Variants in ESAM observed in about 807,000 individuals in gnomAD.
ESAM encodes endothelial cell-selective adhesion molecule.
In ESAM, 23 loss-of-function variants were observed where a neutral mutation model predicts 31.8. That is an observed-to-expected ratio of 0.72 (90% CI 0.52 to 1.03). ESAM has a LOEUF of 1.03. Ranked by LOEUF, ESAM falls within the 50% of genes least tolerant of loss-of-function variation. ESAM has a pLI of 0.00. For missense variants in ESAM, 478 were observed against 488.9 expected, an observed-to-expected ratio of 0.98 and a Z score of 0.21; for synonymous variants, 216 against 207.2, an observed-to-expected ratio of 1.04 and a Z score of -0.37.
chr11:124,756,785 C>T, intron 2 of ESAM, 43 bp from the exon 3 acceptor site: 1 of 1,566,284 alleles, frequency 6.4e-7, no homozygotes. Context: ...CTACATGTGT[C>T]TACTGTGCCT....
In ESAM at chr11:124,762,173, C is replaced by A; in HGVS notation, c.-19G>T. 6.3e-7 allele frequency: 1 copy of A among 1,596,794 alleles called. No individual in the cohort carries two copies. Among genetic ancestry groups the A allele is most frequent in the Non-Finnish European group, 8.5e-7 (1 of 1,171,478 alleles). On this transcript the variant is annotated 5_prime_UTR_variant, in exon 1 of 7. Coordinates refer to ENST00000278927, the MANE Select transcript of ESAM (RefSeq NM_138961.3). This position sits in a 1 kb window ranked among gnomAD's most constrained non-coding sequence, Gnocchi z 6.4. ...AAATCATGGCCCTCCCTGGCCGGGA[C>A]GGAGTCAGGGGCGCCAGCCGCGGGA...
At chr11:124,757,123 A>T (rs1200849554) in intron 2 of ESAM, 1 of 223,764 alleles carries the variant, frequency 4.5e-6, no homozygotes, top group Non-Finnish European at 8.9e-6. Context: ...GGAAAAAAAT[A>T]TTAAAAATGT....
chr11:124,755,160 G>A (rs1014447547), intron 4 of ESAM, among the ~76,000 whole-genome samples: 3 of 152,152 alleles, frequency 2.0e-5, no homozygotes, highest in Admixed American at 6.5e-5. Context: ...TGATATCTGA[G>A]GGTCTCCATT....
intron 3 of ESAM, 83 bp from the exon 4 acceptor site, chr11:124,756,445 A>C: frequency 6.3e-7 from 1 of 1,582,256 alleles, no homozygotes; most frequent in Admixed American, 1.7e-5. Context: ...CTGTCGCTTC[A>C]TTTGTTCCTC....
Position 124,758,678 on chromosome 11 carries a change from G to C in ESAM, c.71-151C>G. The C allele has an allele frequency of 3.5e-6, 3 of 846,292 alleles. No homozygotes were observed. The South Asian group carries it at 5.5e-5, about 16-fold the overall frequency. 52.4% of individuals were successfully genotyped at this position (846,292 alleles called of 1,614,324 possible). ...GTCCGGCCCCTGGAGGCCTCAAGGG[G>C]TGCCCAGGGACCACTGGCTCAGTGT... is the stretch of plus-strand genomic sequence containing the variant. On this transcript the variant is annotated intron_variant, in intron 1 of 6. Coordinates refer to ENST00000278927, the MANE Select transcript of ESAM (RefSeq NM_138961.3).
intron 1 of ESAM, 102 bp downstream of exon 1, chr11:124,761,983 G>A (rs1944235700): frequency 5.7e-6 from 6 of 1,044,576 alleles, no homozygotes; most frequent in South Asian, 2.7e-5. Context: ...AGGAGGGCGA[G>A]TCGTGGGACC....
chr11:124,754,808 T>TAA lies in ESAM; in HGVS notation c.608-46_608-45insTT, dbSNP rs774302006. 6 of 1,518,876 alleles carry TAA rather than the reference T, an allele frequency of 4.0e-6. No homozygotes were observed. The highest frequency in any genetic ancestry group is 5.0e-5 in the East Asian group (2 of 40,134). 94.1% of individuals were successfully genotyped at this position (1,518,876 alleles called of 1,614,324 possible). ...ATCAGTCCAGGGACCCTCTTTCCCA[T>TAA]TAAAAAAAAAAAAAAATCTTGTCCC... On this transcript the variant is annotated intron_variant, in intron 4 of 6. Coordinates refer to ENST00000278927, the MANE Select transcript of ESAM (RefSeq NM_138961.3). This position sits in a 1 kb window ranked among gnomAD's most constrained non-coding sequence, Gnocchi z 4.5.
chr11:124,758,335 C>G lies in ESAM; in HGVS notation c.249+14G>C, dbSNP rs770952467. The G allele has an allele frequency of 6.8e-6, 11 of 1,613,896 alleles. No individual in the cohort carries two copies. In the Admixed American group the frequency reaches 1.3e-4, roughly 20 times the overall value. On this transcript the variant is annotated intron_variant, in intron 2 of 6. Transcript: ENST00000278927. ...GCGCAACTTGCCGCTGGCTGACAGG[C>G]GTTCTTCCCTCACCTGATCCTCCTT...
In ESAM at chr11:124,753,778, C is replaced by T; in HGVS notation, c.1041G>A (p.Leu347=). The T allele has an allele frequency of 2.5e-6, 4 of 1,613,824 alleles. No homozygotes were observed. The highest frequency in any genetic ancestry group is 2.5e-6 in the Non-Finnish European group (3 of 1,179,878). ...GAGGGTGGGCCCCATCTGTCGTGGGCAGTCTTGGTGAGGGCAGGGCCTGGC... is the reference window on the plus strand; with the variant it reads ...GAGGGTGGGCCCCATCTGTCGTGGGTAGTCTTGGTGAGGGCAGGGCCTGGC... ...LSSQALPSPR[L]PTTDGAHPQP... is the part of the protein sequence containing the mutation. The change falls in exon 7 of 7, where the codon CTG becomes CTA. Residue 347 remains leucine, a synonymous_variant. Transcript: ENST00000278927.
chr11:124,758,738 G>A (rs1327316791), intron 1 of ESAM, among the ~76,000 whole-genome samples: 9 of 152,180 alleles, frequency 5.9e-5, no homozygotes, highest in Non-Finnish European at 1.3e-4. Context: ...TCTCTCCACC[G>A]CCAGCCTCTG....
intron 1 of ESAM, among the ~76,000 whole-genome samples, chr11:124,760,330 A>C (rs911320354): frequency 6.6e-6 from 1 of 152,224 alleles, no homozygotes; most frequent in Non-Finnish European, 1.5e-5. Flanking sequence ...ATCGAAGGAC[A>C]CTGGGACAGC....
In ESAM at chr11:124,759,856, C is replaced by G. The variant is rs896439729; in HGVS notation, c.71-1329G>C. On this transcript the variant is annotated intron_variant, in intron 1 of 6. Transcript: ENST00000278927. This position sits in a 1 kb window ranked among gnomAD's most constrained non-coding sequence, Gnocchi z 6.8. ...AGGCTCTACGGGAGGAAACAATCCC[C>G]GCCTCAAGGAGCTGGACGCCCCCTG... Among the ~76,000 whole-genome samples the G allele has an allele frequency of 6.6e-6, 1 of 152,228 alleles. No individual in the cohort carries two copies. Among genetic ancestry groups the G allele is most frequent in the African/African-American group, 2.4e-5 (1 of 41,462 alleles).
chr11:124,762,105 A>T lies in ESAM; in HGVS notation c.50T>A (p.Phe17Tyr). The T allele has an allele frequency of 8.1e-6, 13 of 1,610,028 alleles. No homozygotes were observed. The highest frequency in any genetic ancestry group is 1.1e-5 in the Non-Finnish European group (13 of 1,178,050). The change falls in exon 1 of 7, where the codon TTC becomes TAC. Residue 17 changes from phenylalanine (F) to tyrosine (Y), a missense_variant. Physicochemically the swap from Phe to Tyr is conservative, Grantham distance 22. Coordinates refer to ENST00000278927, the MANE Select transcript of ESAM (RefSeq NM_138961.3). The surrounding 1 kb of genome is among the most constrained non-coding windows in gnomAD (Gnocchi z 6.4). ...PLVTNLLRFL[F>Y]LGLSALAPPS... ...CTCACCGAGGGCACTCAGCCCCAGG[A>T]ACAAAAACCGCAGCAAGTTGGTCAC...
rs138297702 is a variant in ESAM at position 124,755,173 on chromosome 11, T to C, written c.608-410A>G. Among the ~76,000 whole-genome samples, 387 of 152,304 alleles carry C rather than the reference T, an allele frequency of 2.5e-3. 3 individuals carry two copies. The highest frequency in any genetic ancestry group is 8.8e-3 in the African/African-American group (364 of 41,558). On this transcript the variant is annotated intron_variant, in intron 4 of 6. Coordinates refer to ENST00000278927, the MANE Select transcript of ESAM (RefSeq NM_138961.3). ...GTTGATATCTGAGGGTCTCCATTTCTTCATCTGTAAAATGGGGACAATATG... is the reference window on the plus strand; with the variant it reads ...GTTGATATCTGAGGGTCTCCATTTCCTCATCTGTAAAATGGGGACAATATG...
chr11:124,757,745 T>C (rs764298946), intron 2 of ESAM, among the ~76,000 whole-genome samples: 6 of 149,148 alleles, frequency 4.0e-5, no homozygotes, highest in Non-Finnish European at 8.9e-5. Context: ...TCGCCCAGGC[T>C]GAAGTGCAGT....
At chr11:124,761,902 G>C (rs1472639376) in intron 1 of ESAM, among the ~76,000 whole-genome samples, 183 bp downstream of exon 1, 1 of 152,118 alleles carries the variant, frequency 6.6e-6, no homozygotes, top group Non-Finnish European at 1.5e-5. Context: ...CCAAACTGGG[G>C]GCTGTCCCCG....
Position 124,754,891 on chromosome 11 carries a change from G to A in ESAM, c.608-128C>T, listed in dbSNP as rs547323360. The A allele has an allele frequency of 4.0e-6, 5 of 1,262,894 alleles. No homozygotes were observed. The African/African-American group carries it at 4.5e-5, about 11-fold the overall frequency. 78.2% of individuals were successfully genotyped at this position (1,262,894 alleles called of 1,614,324 possible). ...GTCACGGCTTGTCTATTCCCTGATG[G>A]GGGGAGAGGTGTGACAGCTGGGCTT... On this transcript the variant is annotated intron_variant, in intron 4 of 6. Transcript: ENST00000278927. This position sits in a 1 kb window ranked among gnomAD's most constrained non-coding sequence, Gnocchi z 4.5.
rs1944159885 is a variant in ESAM, at chr11:124,756,726, T to C, written c.266A>G (p.Asn89Ser). 1.9e-6 allele frequency: 3 copies of C among 1,614,012 alleles called. No homozygotes were observed. The highest frequency in any genetic ancestry group is 1.7e-5 in the Admixed American group (1 of 59,992). Residue 89 changes from asparagine (N) to serine (S), a missense_variant, in exon 3 of 7, where the codon AAT becomes AGT. Transcript: ENST00000278927. Reference protein sequence around the residue: ...EKEDQVLSYINGVTTSKPGVS... With the variant: ...EKEDQVLSYISGVTTSKPGVS... Reference sequence around the variant, plus strand: ...TCCAGGTTTGCTTGTTGTGACCCCATTGATGTAGGACAACACCTGGTGTGG... The same window carrying C: ...TCCAGGTTTGCTTGTTGTGACCCCACTGATGTAGGACAACACCTGGTGTGG...
chr11:124,762,249 G>A lies in ESAM; in HGVS notation c.-95C>T. On this transcript the variant is annotated 5_prime_UTR_variant, in exon 1 of 7. Coordinates refer to ENST00000278927, the MANE Select transcript of ESAM (RefSeq NM_138961.3). This position sits in a 1 kb window ranked among gnomAD's most constrained non-coding sequence, Gnocchi z 6.4. ...TGCGCGACGGCCGGAGCGTGCGCGG[G>A]AGCCGAGCCGCTGACACCCAGGGCG... The A allele has an allele frequency of 9.9e-7, 1 of 1,007,386 alleles. No homozygotes were observed. The highest frequency in any genetic ancestry group is 1.4e-6 in the Non-Finnish European group (1 of 712,614). The allele number at this position is 1,007,386 out of a possible 1,614,324, so 62.4% of individuals were successfully genotyped here.
Sources: allele counts gnomAD v4.1 joint callset (sites outside exome capture counted in the v4.1 genomes callset), GRCh38; gene constraint gnomAD v4.1.1; non-coding constraint Gnocchi (gnomAD v3.1); transcripts MANE v1.5; gene names NCBI Gene and HGNC (gene_info 2026-07-23, HGNC 2026-07-21).